ANAPC1: variants seen among roughly 807,000 people sequenced by gnomAD.
ANAPC1 encodes anaphase promoting complex subunit 1.
ANAPC1 carries 36 observed loss-of-function variants against 208.0 expected under a neutral mutation model. The observed-to-expected ratio is 0.17, with a 90% CI of 0.13 to 0.23. ANAPC1 has a LOEUF of 0.23. Ranked by LOEUF, ANAPC1 falls within the 10% of genes least tolerant of loss-of-function variation. ANAPC1 has a pLI of 1.00. For synonymous variants in ANAPC1, 378 were observed against 695.2 expected (o/e 0.54, Z 7.18); for missense variants, 942 against 2,011.6 (o/e 0.47, Z 10.17).
intron 18 of ANAPC1, among the ~76,000 whole-genome samples, chr2:111,836,520 T>C (rs1680475822): frequency 6.8e-6 from 1 of 148,036 alleles, no homozygotes; most frequent in Non-Finnish European, 1.5e-5. Flanking sequence ...TGATGGAGCA[T>C]ACCGGTAGTC....
At chr2:111,774,809 T>C (rs1462959930) in intron 46 of ANAPC1, among the ~76,000 whole-genome samples, 10 of 108,126 alleles carry the variant, frequency 9.2e-5, no homozygotes, top group African/African-American at 2.9e-4. Flanking sequence ...CTGGCAACTA[T>C]TAAAATTGGT....
intron 10 of ANAPC1, among the ~76,000 whole-genome samples, chr2:111,861,907 TA>T (rs1233480620): frequency 8.2e-6 from 1 of 121,466 alleles, no homozygotes; most frequent in Non-Finnish European, 1.9e-5. Context: ...ATAATATTTT[TA>T]TGATGACTTT....
intron 38 of ANAPC1, among the ~76,000 whole-genome samples, chr2:111,789,436 TACAC>T (rs1272707416): frequency 1.4e-5 from 2 of 146,530 alleles, no homozygotes; most frequent in Non-Finnish European, 3.0e-5. Flanking sequence ...ATACTTTTCT[TACAC>T]ACAAACATGC....
At chr2:111,773,604 T>A (rs1451401259) in intron 46 of ANAPC1, among the ~76,000 whole-genome samples, 2 of 151,932 alleles carry the variant, frequency 1.3e-5, no homozygotes, top group Non-Finnish European at 2.9e-5. Context: ...TCAGGAAAGC[T>A]GCCTGAGGGA....
intron 1 of ANAPC1, among the ~76,000 whole-genome samples, chr2:111,882,813 G>C (rs1205365972): frequency 6.6e-6 from 1 of 151,848 alleles, no homozygotes; most frequent in Non-Finnish European, 1.5e-5. Flanking sequence ...TCTTCCTCCT[G>C]CTAGAAATAA....
In ANAPC1 at chr2:111,872,998, C is replaced by T. The variant is rs1682835908; in HGVS notation, c.529-286G>A. ...ACAATAGCCCTAGGCATTAAAAAGA[C>T]GATGAGTAACAAAAAAAGACTGGTG... On this transcript the variant is annotated intron_variant, in intron 5 of 47. Coordinates refer to ENST00000341068, the MANE Select transcript of ANAPC1 (RefSeq NM_022662.4). 2.9e-5 allele frequency: 13 copies of T among 455,490 alleles called. No individual in the cohort carries two copies. In the South Asian group the frequency reaches 3.1e-4, roughly 11 times the overall value. 28.2% of individuals were successfully genotyped at this position (455,490 alleles called of 1,614,324 possible). A position where few individuals can be genotyped will look rare whatever the true frequency, so the allele number is the denominator to read the frequency against.
At chr2:111,882,917 C>T (rs1305805130) in intron 1 of ANAPC1, among the ~76,000 whole-genome samples, 2 of 152,036 alleles carry the variant, frequency 1.3e-5, no homozygotes, top group Non-Finnish European at 2.9e-5. Context: ...CCTGTAATCC[C>T]AGCACTTTGG....
intron 26 of ANAPC1, 108 bp downstream of exon 26, chr2:111,821,131 T>A: frequency 1.1e-5 from 11 of 1,004,076 alleles, no homozygotes; most frequent in Non-Finnish European, 1.5e-5. Context: ...ATCTTTTAAA[T>A]CTCTTTAGGG....
At chr2:111,775,777 G>C (rs1676974930) in intron 46 of ANAPC1, among the ~76,000 whole-genome samples, 3 of 152,092 alleles carry the variant, frequency 2.0e-5, no homozygotes, top group Admixed American at 6.6e-5. Context: ...GTCTGCCATA[G>C]GTGATCAAAT....
chr2:111,773,472 C>T lies in ANAPC1; in HGVS notation c.5585-997G>A, dbSNP rs10199246. On this transcript the variant is annotated intron_variant, in intron 46 of 47. Transcript: ENST00000341068. Reference sequence around the variant, plus strand: ...TGCCTTACCTGCAGACCTCTAATAACATAGGCATACTTGTGTCCTTACTGT... The same window carrying T: ...TGCCTTACCTGCAGACCTCTAATAATATAGGCATACTTGTGTCCTTACTGT... 5.8e-3 allele frequency among the ~76,000 whole-genome samples: 888 copies of T among 152,242 alleles called. 2 individuals carry two copies. The highest frequency in any genetic ancestry group is 0.021 in the African/African-American group (855 of 41,526).
chr2:111,878,206 A>T (rs1664875667), intron 3 of ANAPC1, among the ~76,000 whole-genome samples: 1 of 152,238 alleles, frequency 6.6e-6, no homozygotes, highest in African/African-American at 2.4e-5. Flanking sequence ...ATTGCACTGG[A>T]GGTTACAAAA....
chr2:111,838,352 G>A lies in ANAPC1; in HGVS notation c.2115+86C>T, dbSNP rs1680584634. On this transcript the variant is annotated intron_variant, in intron 18 of 47. Coordinates refer to ENST00000341068, the MANE Select transcript of ANAPC1 (RefSeq NM_022662.4). ...AAGTGAAAGGTGTTGGAAAGATAGA[G>A]GAATTGATAGGAATACCACAGAAGT... The A allele has an allele frequency of 8.8e-6, 9 of 1,027,572 alleles. No homozygotes were observed. The South Asian group carries it at 1.7e-4, about 19-fold the overall frequency. 63.7% of individuals were successfully genotyped at this position (1,027,572 alleles called of 1,614,324 possible). A position where few individuals can be genotyped will look rare whatever the true frequency, so the allele number is the denominator to read the frequency against.
intron 33 of ANAPC1, 31 bp from the exon 34 acceptor site, chr2:111,800,902 A>G (rs200015423): frequency 0.2 from 112,297 of 568,086 alleles, 12,023 homozygotes; most frequent in Middle Eastern, 0.27. Context: ...AAAATTAATT[A>G]GAGCAAGTAA....
intron 19 of ANAPC1, among the ~76,000 whole-genome samples, chr2:111,833,949 G>A (rs1289835440): frequency 3.3e-5 from 5 of 152,102 alleles, no homozygotes; most frequent in African/African-American, 1.2e-4. Flanking sequence ...ATCACCAAAG[G>A]TCATAAAGGT....
intron 3 of ANAPC1, among the ~76,000 whole-genome samples, chr2:111,875,516 CTT>C (rs1162677228): frequency 6.6e-6 from 1 of 152,156 alleles, no homozygotes; most frequent in African/African-American, 2.4e-5. Context: ...TTTATCACCC[CTT>C]CTTTGCCAAG....
chr2:111,787,918 A>ACTTCC, intron 39 of ANAPC1, among the ~76,000 whole-genome samples: 1 of 148,880 alleles, frequency 6.7e-6, no homozygotes, highest in Middle Eastern at 3.4e-3. Context: ...AGTATCCTGA[A>ACTTCC]CTTCCCTTGG....
chr2:111,810,809 G>C (rs1678945985), intron 28 of ANAPC1, among the ~76,000 whole-genome samples: 1 of 144,166 alleles, frequency 6.9e-6, no homozygotes, highest in East Asian at 2.0e-4. Flanking sequence ...CTTGAACCTG[G>C]GAGGTAGAGG....
chr2:111,796,119 G>A (rs1678152157), intron 34 of ANAPC1, among the ~76,000 whole-genome samples: 1 of 151,672 alleles, frequency 6.6e-6, no homozygotes, highest in South Asian at 2.1e-4. Context: ...CAGCTACTCA[G>A]GAGGCTGAGG....
chr2:111,859,704 G>A (rs1681948725), intron 10 of ANAPC1, among the ~76,000 whole-genome samples: 2 of 152,020 alleles, frequency 1.3e-5, no homozygotes, highest in South Asian at 2.1e-4. Context: ...CTAAGATTAT[G>A]CATTTGCCTT....
Sources: allele counts gnomAD v4.1 joint callset (sites outside exome capture counted in the v4.1 genomes callset), GRCh38; gene constraint gnomAD v4.1.1; transcripts MANE v1.5; gene names NCBI Gene and HGNC (gene_info 2026-07-23, HGNC 2026-07-21).